Variants in SIPA1L3 observed in about 807,000 individuals in gnomAD.
SIPA1L3 encodes the protein signal induced proliferation associated 1 like 3.
SIPA1L3 carries 59 observed loss-of-function variants against 150.1 expected under a neutral mutation model. The ratio of observed to expected loss-of-function variants is 0.39; its 90% CI spans 0.32 to 0.49. The LOEUF is 0.49. Ranked by LOEUF, SIPA1L3 falls within the 20% of genes least tolerant of loss-of-function variation. SIPA1L3 has a pLI of 0.86. For synonymous variants in SIPA1L3, 1,070 were observed against 1,077.6 expected, an observed-to-expected ratio of 0.99 and a Z score of 0.14; for missense variants, 2,211 against 2,489.5, an observed-to-expected ratio of 0.89 and a Z score of 2.38.
intron 1 of SIPA1L3, among the ~76,000 whole-genome samples, chr19:38,011,811 T>C (rs1968105749): frequency 1.3e-5 from 2 of 152,056 alleles, no homozygotes; most frequent in African/African-American, 4.8e-5. Flanking sequence ...AAAGGTGGCC[T>C]GGGGAGGCCA....
At chr19:38,018,321 G>A (rs1403310177) in intron 1 of SIPA1L3, among the ~76,000 whole-genome samples, 3 of 151,638 alleles carry the variant, frequency 2.0e-5, no homozygotes, top group Non-Finnish European at 4.4e-5. Flanking sequence ...GCACCATCAC[G>A]CCTGGCAAAT....
chr19:38,138,897 C>CAAAAAAAAAAAAAAAAAAAAA (rs3045988), intron 10 of SIPA1L3, among the ~76,000 whole-genome samples: 1 of 44,128 alleles, frequency 2.3e-5, no homozygotes, highest in Admixed American at 3.3e-4. Flanking sequence ...GACTCTATCT[C>CAAAAAAAAAAAAAAAAAAAAA]AAAAAAAAAA....
chr19:38,191,409 A>AG, intron 16 of SIPA1L3, among the ~76,000 whole-genome samples: 1 of 152,024 alleles, frequency 6.6e-6, no homozygotes, highest in East Asian at 1.9e-4. Flanking sequence ...AAAAAAAAAA[A>AG]AAACCAAAAA....
chr19:38,176,175 A>C (rs1237643713), intron 15 of SIPA1L3, among the ~76,000 whole-genome samples: 4 of 140,562 alleles, frequency 2.8e-5, no homozygotes, highest in Non-Finnish European at 6.0e-5. Flanking sequence ...ACACTTGGCT[A>C]ATTTTTTTTT....
intron 4 of SIPA1L3, among the ~76,000 whole-genome samples, chr19:38,095,226 A>T (rs1387825533): frequency 6.6e-6 from 1 of 152,242 alleles, no homozygotes; most frequent in Admixed American, 6.5e-5. Context: ...AGCACTAAGC[A>T]TTATGCACGG....
intron 8 of SIPA1L3, among the ~76,000 whole-genome samples, chr19:38,115,946 T>C (rs941124210): frequency 6.6e-6 from 1 of 152,110 alleles, no homozygotes; most frequent in East Asian, 1.9e-4. Context: ...GTCAAACAAA[T>C]GGATGAGTGT....
chr19:38,019,053 G>A (rs1255088584), intron 1 of SIPA1L3, among the ~76,000 whole-genome samples: 1 of 152,220 alleles, frequency 6.6e-6, no homozygotes, highest in Non-Finnish European at 1.5e-5. Context: ...ACTTTAAATA[G>A]TGGCAGGTTA....
chr19:37,949,156 G>A (rs896671409), intron 1 of SIPA1L3, among the ~76,000 whole-genome samples: 1 of 152,328 alleles, frequency 6.6e-6, no homozygotes, highest in East Asian at 1.9e-4. Flanking sequence ...AGGCCTAGGC[G>A]ATTTTCTGTC....
At chr19:38,006,275 C>A (rs1031146619) in intron 1 of SIPA1L3, among the ~76,000 whole-genome samples, 1 of 152,068 alleles carries the variant, frequency 6.6e-6, no homozygotes, top group African/African-American at 2.4e-5. Context: ...AAGGCCCGAA[C>A]CTAGAAGCAG....
chr19:37,993,722 A>G (rs705502), intron 1 of SIPA1L3, among the ~76,000 whole-genome samples: 112,933 of 151,316 alleles, frequency 0.75, 42,395 homozygotes, highest in East Asian at 0.97. Context: ...AAGTGTGTGA[A>G]GGAGGGGCCA....
chr19:38,058,256 G>A (rs1338140109), intron 2 of SIPA1L3, among the ~76,000 whole-genome samples: 2 of 152,208 alleles, frequency 1.3e-5, no homozygotes, highest in Non-Finnish European at 2.9e-5. Context: ...TCGGGCTTGA[G>A]AAGAGCTTCA....
At chr19:38,121,998 A>T (rs1001404737) in intron 9 of SIPA1L3, among the ~76,000 whole-genome samples, 3 of 152,056 alleles carry the variant, frequency 2.0e-5, no homozygotes, top group Non-Finnish European at 2.9e-5. Context: ...AGGTGGATGG[A>T]TTATTTCAGG....
chr19:37,984,827 A>T (rs918230567), intron 1 of SIPA1L3, among the ~76,000 whole-genome samples: 3 of 152,242 alleles, frequency 2.0e-5, no homozygotes, highest in African/African-American at 4.8e-5. Context: ...CTCTGTAGCA[A>T]ACTAGAGCAT....
At chr19:38,122,625 A>G (rs1348527490) in intron 9 of SIPA1L3, among the ~76,000 whole-genome samples, 1 of 152,154 alleles carries the variant, frequency 6.6e-6, no homozygotes, top group Non-Finnish European at 1.5e-5. Flanking sequence ...TCTAGGTTAA[A>G]GCCTCAGTCC....
At chr19:38,030,184 T>A (rs1229939666) in intron 2 of SIPA1L3, among the ~76,000 whole-genome samples, 1 of 152,112 alleles carries the variant, frequency 6.6e-6, no homozygotes, top group East Asian at 1.9e-4. Context: ...GAGACAGATG[T>A]AGACAGTTGT....
intron 1 of SIPA1L3, among the ~76,000 whole-genome samples, chr19:38,013,046 T>C (rs1239055232): frequency 6.6e-6 from 1 of 152,190 alleles, no homozygotes; most frequent in Non-Finnish European, 1.5e-5. Context: ...TCTGGGGGAC[T>C]CTAGTCCACT....
At chr19:38,005,845 C>T (rs1036687790) in intron 1 of SIPA1L3, among the ~76,000 whole-genome samples, 1 of 152,062 alleles carries the variant, frequency 6.6e-6, no homozygotes, top group East Asian at 1.9e-4. Context: ...GCCAGGAGTT[C>T]GAGACCAGCC....
intron 1 of SIPA1L3, among the ~76,000 whole-genome samples, chr19:37,967,248 C>G (rs1363871172): frequency 6.6e-6 from 1 of 151,350 alleles, no homozygotes; most frequent in Admixed American, 6.6e-5. Context: ...GTGGAAGTTC[C>G]CCCCCACCCT....
intron 1 of SIPA1L3, among the ~76,000 whole-genome samples, chr19:37,962,463 C>CT (rs71177491): frequency 0.027 from 1,951 of 73,004 alleles, 73 homozygotes; most frequent in Non-Finnish European, 0.037. Context: ...TGCAGCCGGC[C>CT]TTTTTTTTTT....
Sources: gnomAD v4.1 joint callset for allele counts (sites outside exome capture counted in the v4.1 genomes callset) on GRCh38, gnomAD v4.1.1 for gene constraint, MANE v1.5 for transcripts, NCBI Gene and HGNC (gene_info 2026-07-23, HGNC 2026-07-21) for gene names.